WWOX: variants seen among roughly 807,000 people sequenced by gnomAD.
The protein encoded by WWOX is WW domain-containing oxidoreductase.
In WWOX, 69 loss-of-function variants were observed where a neutral mutation model predicts 46.2. That is an observed-to-expected ratio of 1.49 (90% confidence interval 1.23 to 1.82). The LOEUF is 1.82. Among genes scored for constraint, WWOX ranks in the 40% most tolerant of loss-of-function variants. The probability of loss-of-function intolerance (pLI) is 0.00; values close to 1 mark genes in which losing one functional copy is unlikely to be tolerated. For missense variants in WWOX, 919 were observed against 542.6 expected, an observed-to-expected ratio of 1.69 and a Z score of -6.89; for synonymous variants, 359 against 202.6, an observed-to-expected ratio of 1.77 and a Z score of -6.56.
chr16:78,929,122 C>G (rs1388531716), intron 8 of WWOX, among the ~76,000 whole-genome samples: 2 of 152,156 alleles, frequency 1.3e-5, no homozygotes, highest in African/African-American at 2.4e-5. Flanking sequence ...ATTTAACGCT[C>G]TCTCAAGAAA....
chr16:78,752,155 T>G (rs1290567361), intron 8 of WWOX, among the ~76,000 whole-genome samples: 1 of 152,234 alleles, frequency 6.6e-6, no homozygotes, highest in Non-Finnish European at 1.5e-5. Context: ...AATGTCTGCT[T>G]TTGAGTGATT....
intron 8 of WWOX, among the ~76,000 whole-genome samples, chr16:78,696,794 C>G (rs1473322949): frequency 1.3e-5 from 2 of 152,042 alleles, no homozygotes; most frequent in African/African-American, 2.4e-5. Context: ...CCAGTTTGTA[C>G]TCCTTTATGC....
At chr16:78,883,457 C>G (rs1386370347) in intron 8 of WWOX, among the ~76,000 whole-genome samples, 1 of 152,156 alleles carries the variant, frequency 6.6e-6, no homozygotes, top group Admixed American at 6.5e-5. Context: ...GGCATGGTGG[C>G]TTATGCCCGA....
intron 8 of WWOX, among the ~76,000 whole-genome samples, chr16:79,109,461 G>A (rs566573146): frequency 2.6e-4 from 39 of 152,218 alleles, no homozygotes; most frequent in Non-Finnish European, 4.3e-4. Context: ...AGAGAGAGCC[G>A]GGCAGGTTGG....
intron 8 of WWOX, among the ~76,000 whole-genome samples, chr16:79,023,893 T>A (rs79763768): frequency 0.049 from 7,505 of 151,750 alleles, 236 homozygotes; most frequent in African/African-American, 0.075. Flanking sequence ...GAGGCAGAGG[T>A]TGCAGTGAGA....
intron 5 of WWOX, among the ~76,000 whole-genome samples, chr16:78,205,929 CTCTT>C (rs145597131): frequency 0.016 from 2,488 of 151,358 alleles, 72 homozygotes; most frequent in African/African-American, 0.057. Flanking sequence ...TTCCTTCCTT[CTCTT>C]TCTTTCTTTT....
intron 8 of WWOX, among the ~76,000 whole-genome samples, chr16:78,465,098 C>T (rs143320737): frequency 3.3e-5 from 5 of 152,236 alleles, no homozygotes; most frequent in African/African-American, 9.6e-5. Flanking sequence ...ACAGCACAGG[C>T]AGATCCCATG....
chr16:78,352,650 T>A (rs1447764547), intron 5 of WWOX, among the ~76,000 whole-genome samples: 1 of 152,250 alleles, frequency 6.6e-6, no homozygotes, highest in Non-Finnish European at 1.5e-5. Context: ...TTAGCAATCT[T>A]AATGCCATCT....
At chr16:78,690,799 A>C (rs2047968168) in intron 8 of WWOX, among the ~76,000 whole-genome samples, 1 of 152,200 alleles carries the variant, frequency 6.6e-6, no homozygotes, top group South Asian at 2.1e-4. Flanking sequence ...ACCGTTCAGT[A>C]AAATGAATGG....
intron 5 of WWOX, among the ~76,000 whole-genome samples, chr16:78,379,204 AG>A (rs1458500784): frequency 6.6e-6 from 1 of 151,546 alleles, no homozygotes; most frequent in Non-Finnish European, 1.5e-5. Flanking sequence ...CATGCAAATT[AG>A]AGCTTTTTAA....
chr16:78,497,123 C>A (rs1000458199), intron 8 of WWOX, among the ~76,000 whole-genome samples: 5 of 152,192 alleles, frequency 3.3e-5, no homozygotes, highest in African/African-American at 1.2e-4. Flanking sequence ...CAACAGATGA[C>A]CTTCTGTTAG....
At chr16:79,099,383 G>A (rs1597374869) in intron 8 of WWOX, among the ~76,000 whole-genome samples, 1 of 152,166 alleles carries the variant, frequency 6.6e-6, no homozygotes, top group Non-Finnish European at 1.5e-5. Flanking sequence ...GTGACAATTA[G>A]CCTTACTGCC....
chr16:78,283,769 G>C (rs886242621), intron 5 of WWOX, among the ~76,000 whole-genome samples: 1 of 152,114 alleles, frequency 6.6e-6, no homozygotes, highest in Non-Finnish European at 1.5e-5. Flanking sequence ...GACAACAGTG[G>C]GTTGAGCTAA....
chr16:78,301,853 G>A (rs1240007476), intron 5 of WWOX, among the ~76,000 whole-genome samples: 1 of 152,138 alleles, frequency 6.6e-6, no homozygotes, highest in East Asian at 1.9e-4. Context: ...CCTTCTTGGG[G>A]TTGGAGGGCA....
At chr16:78,892,274 G>A (rs1567630677) in intron 8 of WWOX, 4 of 152,106 alleles carry the variant, frequency 2.6e-5, no homozygotes, top group South Asian at 4.1e-4. Flanking sequence ...AGAGGTACTC[G>A]ATGAACCACA....
chr16:78,732,962 T>C (rs928811491), intron 8 of WWOX, among the ~76,000 whole-genome samples: 1 of 152,212 alleles, frequency 6.6e-6, no homozygotes, highest in South Asian at 2.1e-4. Flanking sequence ...CTCGAGTGGA[T>C]GGCTCTTTAT....
Position 78,106,111 on chromosome 16 carries a change from A to G in WWOX, c.108-2312A>G, listed in dbSNP as rs762566814. Among the ~76,000 whole-genome samples, 133 of 152,170 alleles carry G rather than the reference A, an allele frequency of 8.7e-4. 1 individual carries two copies. Among genetic ancestry groups the G allele is most frequent in the Non-Finnish European group, 1.3e-3 (90 of 67,996 alleles). ...GCCACCGTACCCCGCCACTCCATGG[A>G]TTCTTGAGGGCAGAGTTTTTTGGAG... On this transcript the variant is annotated intron_variant, in intron 1 of 8. Transcript: ENST00000566780.
At chr16:78,332,085 C>T (rs2080771156) in intron 5 of WWOX, among the ~76,000 whole-genome samples, 1 of 152,120 alleles carries the variant, frequency 6.6e-6, no homozygotes, top group Non-Finnish European at 1.5e-5. Context: ...TCAAGCCTTC[C>T]CTGGGCCATG....
chr16:78,254,766 C>G (rs938146631), intron 5 of WWOX, among the ~76,000 whole-genome samples: 1 of 152,050 alleles, frequency 6.6e-6, no homozygotes, highest in African/African-American at 2.4e-5. Context: ...CAAGTTCAAG[C>G]GATCTGCCTG....
Sources: allele counts gnomAD v4.1 joint callset (sites outside exome capture counted in the v4.1 genomes callset), GRCh38; gene constraint gnomAD v4.1.1; transcripts MANE v1.5; gene names NCBI Gene and HGNC (gene_info 2026-07-23, HGNC 2026-07-21).